GRXCR1: variants seen among roughly 807,000 people sequenced by gnomAD.
The protein encoded by GRXCR1 is glutaredoxin domain-containing cysteine-rich protein 1.
In GRXCR1, 27 loss-of-function variants were observed where a neutral mutation model predicts 27.3. That is an observed-to-expected ratio of 0.99 (90% CI 0.73 to 1.37). GRXCR1 has a LOEUF of 1.37. GRXCR1 is among the 40% of genes most tolerant of loss of function. The pLI is 0.00. For synonymous variants in GRXCR1, 122 were observed against 131.1 expected (o/e 0.93, Z 0.47); for missense variants, 379 against 354.4 (o/e 1.07, Z -0.56).
At chr4:42,978,882 C>T (rs1222891904) in intron 2 of GRXCR1, among the ~76,000 whole-genome samples, 1 of 151,944 alleles carries the variant, frequency 6.6e-6, no homozygotes, top group Non-Finnish European at 1.5e-5. Context: ...CAGTTTCCCC[C>T]ATGCTGTTTT....
intron 1 of GRXCR1, among the ~76,000 whole-genome samples, chr4:42,898,651 T>C (rs1048453969): frequency 4.3e-4 from 65 of 152,112 alleles, no homozygotes; most frequent in African/African-American, 1.4e-3. Context: ...GTTGACATTA[T>C]TTATGTGCAT....
chr4:42,915,104 G>A (rs1037244087), intron 1 of GRXCR1, among the ~76,000 whole-genome samples: 10 of 152,072 alleles, frequency 6.6e-5, no homozygotes, highest in African/African-American at 9.7e-5. Context: ...AATTTGCTAC[G>A]TTCAGAGAAA....
At chr4:42,925,154 T>C (rs1270194379) in intron 1 of GRXCR1, among the ~76,000 whole-genome samples, 3 of 151,906 alleles carry the variant, frequency 2.0e-5, no homozygotes, top group Non-Finnish European at 4.4e-5. Flanking sequence ...ATATATCAAG[T>C]AGGTACAGCT....
chr4:42,903,876 GT>G (rs968884604), intron 1 of GRXCR1, among the ~76,000 whole-genome samples: 6 of 152,100 alleles, frequency 3.9e-5, no homozygotes, highest in Non-Finnish European at 7.4e-5. Flanking sequence ...CCCAAAGCCT[GT>G]GTTGGAAATT....
intron 2 of GRXCR1, among the ~76,000 whole-genome samples, chr4:42,990,226 C>T (rs1460930798): frequency 1.1e-5 from 1 of 92,464 alleles, no homozygotes. Context: ...GAGTCTCGCT[C>T]TGTCGCCCAG....
At chr4:42,970,742 A>T (rs772230221) in intron 2 of GRXCR1, among the ~76,000 whole-genome samples, 57 of 152,110 alleles carry the variant, frequency 3.7e-4, no homozygotes, top group Admixed American at 2.1e-3. Context: ...AATGCCCTGG[A>T]GACATTTTCC....
rs554256259 is a variant in GRXCR1 at position 42,909,974 on chromosome 4, C to A, written c.384+16324C>A. ...TTCCCACACTGCTATAAAGATACTC[C>A]CCGAGACTGGGTAATTTACAAAGGA... is the stretch of plus-strand genomic sequence containing the variant. On this transcript the variant is annotated intron_variant, in intron 1 of 3. Transcript: ENST00000399770. Among the ~76,000 whole-genome samples the A allele has an allele frequency of 3.9e-5, 6 of 152,158 alleles. No homozygotes were observed. In the South Asian group the frequency reaches 1.2e-3, roughly 32 times the overall value.
intron 2 of GRXCR1, among the ~76,000 whole-genome samples, chr4:43,001,081 T>G (rs1451821989): frequency 6.6e-6 from 1 of 151,562 alleles, no homozygotes; most frequent in Non-Finnish European, 1.5e-5. Flanking sequence ...GAGCCCTCAT[T>G]GTGCCCAGCT....
Position 42,910,273 on chromosome 4 carries a change from G to A in GRXCR1, c.384+16623G>A, listed in dbSNP as rs568245800. Among the ~76,000 whole-genome samples, 12 of 152,238 alleles carry A rather than the reference G, an allele frequency of 7.9e-5. No individual in the cohort carries two copies. The South Asian group carries it at 2.5e-3, about 32-fold the overall frequency. On this transcript the variant is annotated intron_variant, in intron 1 of 3. Coordinates refer to ENST00000399770, the MANE Select transcript of GRXCR1 (RefSeq NM_001080476.3). ...ATACAATTCAAGATGAGATTTGGGT[G>A]GGGACACAAAGCCTAAACATAACAC...
chr4:43,014,132 G>A (rs12643727), intron 2 of GRXCR1, among the ~76,000 whole-genome samples: 1 of 150,936 alleles, frequency 6.6e-6, no homozygotes, highest in Non-Finnish European at 1.5e-5. Flanking sequence ...GAAAAACCAC[G>A]CTCTTTAGGA....
intron 1 of GRXCR1, among the ~76,000 whole-genome samples, chr4:42,905,959 T>C (rs1228554543): frequency 6.6e-6 from 1 of 152,186 alleles, no homozygotes; most frequent in East Asian, 1.9e-4. Flanking sequence ...ATTTTTCTTG[T>C]ATGTAATTTG....
Position 42,963,021 on chromosome 4 carries a change from G to A in GRXCR1, c.514G>A (p.Glu172Lys). ...CCAAAACCATCGCGTAAAATTTGAAGAGAAAAACATAGCCCTGAATGGTGA... is the reference window on the plus strand; with the variant it reads ...CCAAAACCATCGCGTAAAATTTGAAAAGAAAAACATAGCCCTGAATGGTGA... ...IFQNHRVKFE[E>K]KNIALNGEYG... is the part of the protein sequence containing the mutation. Residue 172 changes from glutamate to lysine, a missense_variant, in exon 2 of 4, where the codon GAG (glutamate) becomes AAG (lysine). Transcript: ENST00000399770. 1 of 1,612,848 alleles carries A rather than the reference G, an allele frequency of 6.2e-7. No individual in the cohort carries two copies. Among genetic ancestry groups the A allele is most frequent in the Non-Finnish European group, 8.5e-7 (1 of 1,179,146 alleles).
chr4:42,960,155 G>A lies in GRXCR1; in HGVS notation c.385-2737G>A, dbSNP rs563618502. On this transcript the variant is annotated intron_variant, in intron 1 of 3. Coordinates refer to ENST00000399770, the MANE Select transcript of GRXCR1 (RefSeq NM_001080476.3). The stretch of plus-strand genomic sequence containing the variant: ...CTTACATGAGTTGGTTAACATGGCA[G>A]CAAGTTGGTCCAATCTTAAATTTTT... 2.6e-5 allele frequency among the ~76,000 whole-genome samples: 4 copies of A among 152,084 alleles called. No individual in the cohort carries two copies. In the South Asian group the frequency reaches 6.2e-4, roughly 24 times the overall value.
chr4:43,013,753 A>C (rs1160755), intron 2 of GRXCR1, among the ~76,000 whole-genome samples: 83,066 of 152,058 alleles, frequency 0.55, 23,031 homozygotes, highest in East Asian at 0.79. Context: ...TTTTATCTAG[A>C]TCAACTCCCA....
intron 2 of GRXCR1, among the ~76,000 whole-genome samples, chr4:42,987,251 A>ATAT (rs1330361711): frequency 2.4e-5 from 2 of 81,764 alleles, no homozygotes; most frequent in South Asian, 7.2e-4. Context: ...AATATATAAT[A>ATAT]TATATATATA....
chr4:42,968,662 G>C (rs762090288), intron 2 of GRXCR1, among the ~76,000 whole-genome samples: 3 of 151,856 alleles, frequency 2.0e-5, no homozygotes, highest in Non-Finnish European at 4.4e-5. Context: ...AATAGTATAA[G>C]GTAGTTACTG....
At chr4:42,971,234 C>T (rs928160494) in intron 2 of GRXCR1, among the ~76,000 whole-genome samples, 1 of 152,164 alleles carries the variant, frequency 6.6e-6, no homozygotes, top group Non-Finnish European at 1.5e-5. Context: ...AAGTTCCAAA[C>T]TTTCCCATAT....
intron 2 of GRXCR1, among the ~76,000 whole-genome samples, chr4:42,997,496 T>C (rs1214922412): frequency 6.6e-6 from 1 of 152,236 alleles, no homozygotes; most frequent in East Asian, 1.9e-4. Context: ...TCTGGGACCT[T>C]GCTAACACTG....
chr4:43,030,015 A>G (rs911285473), intron 3 of GRXCR1, among the ~76,000 whole-genome samples: 1 of 152,264 alleles, frequency 6.6e-6, no homozygotes, highest in Admixed American at 6.5e-5. Context: ...AAGTTAAAGT[A>G]TTTTCCCTTA....
Sources: gnomAD v4.1 joint callset for allele counts (sites outside exome capture counted in the v4.1 genomes callset) on GRCh38, gnomAD v4.1.1 for gene constraint, MANE v1.5 for transcripts, NCBI Gene and HGNC (gene_info 2026-07-23, HGNC 2026-07-21) for gene names.